Variants in TMEM68 observed in about 807,000 individuals in gnomAD.
The protein encoded by TMEM68 is DGAT1/2-independent enzyme synthesizing storage lipids.
TMEM68 carries 25 observed loss-of-function variants against 36.9 expected under a neutral mutation model. That is an observed-to-expected ratio of 0.68 (90% CI 0.49 to 0.95). The LOEUF (loss-of-function observed/expected upper bound fraction) is 0.95. Among genes scored for constraint, TMEM68 ranks in the 40% least tolerant of loss-of-function variants. TMEM68 has a pLI of 0.00. For missense variants in TMEM68, 333 were observed against 392.0 expected, an observed-to-expected ratio of 0.85 and a Z score of 1.27; for synonymous variants, 131 against 124.4, an observed-to-expected ratio of 1.05 and a Z score of -0.35.
Position 55,739,523 on chromosome 8 carries a change from A to G in TMEM68, c.*609T>C, listed in dbSNP as rs183334574. On this transcript the variant is annotated 3_prime_UTR_variant, in exon 8 of 8. Transcript: ENST00000434581. ...AACACACAATGGAGAAAATATATAC[A>G]TAACTGCTAAAGGATTTTGACATTG... 4 of 152,818 alleles carry G rather than the reference A, an allele frequency of 2.6e-5. No individual in the cohort carries two copies. The highest frequency in any genetic ancestry group is 4.4e-5 in the Non-Finnish European group (3 of 68,044). 9.5% of individuals were successfully genotyped at this position (152,818 alleles called of 1,614,324 possible).
intron 7 of TMEM68, among the ~76,000 whole-genome samples, chr8:55,741,987 C>T (rs1434297509): frequency 2.6e-5 from 4 of 151,968 alleles, no homozygotes; most frequent in African/African-American, 4.8e-5. Flanking sequence ...ATCTGGGAGA[C>T]GGAGGTTGCA....
chr8:55,758,770 C>T (rs1810685048), intron 3 of TMEM68, among the ~76,000 whole-genome samples: 2 of 152,186 alleles, frequency 1.3e-5, no homozygotes, highest in Non-Finnish European at 2.9e-5. Context: ...CGTGCCACTG[C>T]ACTCCAGGCT....
At position 55,750,790 on chromosome 8, in the gene TMEM68, G is replaced by A. The variant is rs184551826; in HGVS notation, c.687+174C>T. On this transcript the variant is annotated intron_variant, in intron 5 of 7. Coordinates refer to ENST00000434581, the MANE Select transcript of TMEM68 (RefSeq NM_001286657.2). ...CCTGACCTCATGATACATCCACCTC[G>A]GCCTCCCAAAGTGCTGAGATTACAG... 714 of 564,698 alleles carry A rather than the reference G, an allele frequency of 1.3e-3. 6 individuals are homozygous for A. The highest frequency in any genetic ancestry group is 9.8e-3 in the African/African-American group (507 of 51,930). 35.0% of individuals were successfully genotyped at this position (564,698 alleles called of 1,614,324 possible). A position where few individuals can be genotyped will look rare whatever the true frequency, so the allele number is the denominator to read the frequency against.
At chr8:55,743,250 C>A (rs1481424909) in intron 7 of TMEM68, among the ~76,000 whole-genome samples, 8 of 152,066 alleles carry the variant, frequency 5.3e-5, no homozygotes, top group Non-Finnish European at 8.8e-5. Flanking sequence ...CTATCACTGG[C>A]CCCCACCCAC....
intron 7 of TMEM68, among the ~76,000 whole-genome samples, chr8:55,742,064 G>T (rs558116311): frequency 3.3e-5 from 5 of 152,124 alleles, no homozygotes; most frequent in African/African-American, 1.2e-4. Context: ...AAAAAGGAAA[G>T]AAAGAAAAGA....
intron 4 of TMEM68, among the ~76,000 whole-genome samples, chr8:55,753,232 C>A (rs1810471443): frequency 6.6e-6 from 1 of 151,820 alleles, no homozygotes; most frequent in African/African-American, 2.4e-5. Flanking sequence ...TAGAAGCAAC[C>A]TAATGCTCCA....
At chr8:55,769,015 C>CTT (rs1233500006) in intron 1 of TMEM68, among the ~76,000 whole-genome samples, 1 of 71,728 alleles carries the variant, frequency 1.4e-5, no homozygotes, top group African/African-American at 5.6e-5. Context: ...GAGACTCTGT[C>CTT]TTTAAAAAAA....
At chr8:55,763,150 T>A in intron 2 of TMEM68, 122 bp from the exon 3 acceptor site, 1 of 494,894 alleles carries the variant, frequency 2.0e-6, no homozygotes, top group Non-Finnish European at 3.4e-6. Context: ...GGTTAATGGT[T>A]AACTTTGTTG....
intron 5 of TMEM68, chr8:55,746,317 CAAAAAAAAAAAAA>C (rs376241142): frequency 1.2e-4 from 7 of 57,184 alleles, no homozygotes; most frequent in African/African-American, 3.8e-4. Flanking sequence ...CACTGTCTCC[CAAAAAAAAAAAAA>C]AAAAAAAAAA....
At chr8:55,770,946 G>A (rs951810743) in intron 1 of TMEM68, among the ~76,000 whole-genome samples, 1 of 151,772 alleles carries the variant, frequency 6.6e-6, no homozygotes, top group Non-Finnish European at 1.5e-5. Flanking sequence ...ACCTGAGGTC[G>A]GGAGTTCGAG....
chr8:55,756,219 A>C (rs376833334), intron 4 of TMEM68, 25 bp downstream of exon 4: 1 of 1,576,652 alleles, frequency 6.3e-7, no homozygotes, highest in Non-Finnish European at 8.6e-7. Context: ...ACATTTTTAC[A>C]TTACTATCTA....
chr8:55,756,380 T>C lies in TMEM68; in HGVS notation c.357A>G (p.Pro119=). 1 of 1,585,914 alleles carries C rather than the reference T, an allele frequency of 6.3e-7. No homozygotes were observed. The highest frequency in any genetic ancestry group is 8.5e-7 in the Non-Finnish European group (1 of 1,171,614). ...GYEVHGMEKI[P]EDGPALIIFY... ...AAATTATAAGTGCTGGTCCATCTTC[T>C]GGTATTTTTTCCATTCCATGAACTT... is the stretch of plus-strand genomic sequence containing the variant. Residue 119 remains proline, a synonymous_variant, in exon 4 of 8, where the codon CCA becomes CCG. Transcript: ENST00000434581.
chr8:55,754,944 TACACACACAC>T (rs71256561), intron 4 of TMEM68, among the ~76,000 whole-genome samples: 107,587 of 134,764 alleles, frequency 0.8, 43,576 homozygotes, highest in East Asian at 0.98. Context: ...TATATATTTA[TACACACACAC>T]ACACACACAC....
chr8:55,766,309 A>C (rs984332014), intron 1 of TMEM68, among the ~76,000 whole-genome samples: 5 of 151,908 alleles, frequency 3.3e-5, no homozygotes, highest in African/African-American at 1.2e-4. Context: ...CAGGCTGAGA[A>C]AGTGACAGGG....
rs1810036046 is a variant in TMEM68, at chr8:55,739,608, A to G, written c.*524T>C. 1 of 152,664 alleles carries G rather than the reference A, an allele frequency of 6.6e-6. No individual in the cohort carries two copies. The highest frequency in any genetic ancestry group is 1.9e-4 in the East Asian group (1 of 5,206). 9.5% of individuals were successfully genotyped at this position (152,664 alleles called of 1,614,324 possible). A position where few individuals can be genotyped will look rare whatever the true frequency, so the allele number is the denominator to read the frequency against. On this transcript the variant is annotated 3_prime_UTR_variant, in exon 8 of 8. Coordinates refer to ENST00000434581, the MANE Select transcript of TMEM68 (RefSeq NM_001286657.2). ...GTTATCAATCACAGTAAATATAAAT[A>G]ACAAAATAATATCATTCATCATACG...
At chr8:55,758,608 T>C (rs183442189) in intron 3 of TMEM68, among the ~76,000 whole-genome samples, 2 of 152,258 alleles carry the variant, frequency 1.3e-5, no homozygotes, top group East Asian at 3.9e-4. Context: ...GAGTTAGAGA[T>C]CAGCCTGGGC....
intron 7 of TMEM68, among the ~76,000 whole-genome samples, chr8:55,741,098 G>A (rs1035389531): frequency 6.6e-6 from 1 of 152,044 alleles, no homozygotes; most frequent in Non-Finnish European, 1.5e-5. Context: ...CAGGTGTGGT[G>A]GCACATGCCT....
intron 2 of TMEM68, among the ~76,000 whole-genome samples, chr8:55,763,241 A>G (rs1349720049): frequency 5.9e-5 from 9 of 152,178 alleles, no homozygotes; most frequent in Admixed American, 5.9e-4. Context: ...ATAATTCACT[A>G]TAATTGAGAG....
chr8:55,764,975 G>T (rs982140665), intron 1 of TMEM68, among the ~76,000 whole-genome samples: 1 of 152,158 alleles, frequency 6.6e-6, no homozygotes, highest in Non-Finnish European at 1.5e-5. Context: ...GGGAGGCTGA[G>T]GCAGGAGAAA....
Sources: allele counts gnomAD v4.1 joint callset (sites outside exome capture counted in the v4.1 genomes callset), GRCh38; gene constraint gnomAD v4.1.1; transcripts MANE v1.5; gene names NCBI Gene and HGNC (gene_info 2026-07-23, HGNC 2026-07-21).